NXPE2: variants seen among roughly 807,000 people sequenced by gnomAD.
NXPE2 encodes neurexophilin and PC-esterase domain family member 2, also known as NXPE family member 2.
NXPE2 carries 34 observed loss-of-function variants against 34.4 expected under a neutral mutation model. That is an observed-to-expected ratio of 0.99 (90% confidence interval 0.75 to 1.31). The LOEUF is 1.31. NXPE2 is among the 40% of genes most tolerant of loss of function. The probability of loss-of-function intolerance (pLI) is 0.00; values close to 1 mark genes in which losing one functional copy is unlikely to be tolerated. For missense variants in NXPE2, 649 were observed against 672.5 expected, an observed-to-expected ratio of 0.97 and a Z score of 0.39; for synonymous variants, 235 against 231.3, an observed-to-expected ratio of 1.02 and a Z score of -0.15.
chr11:114,787,440 A>G, the NXPE2 span, among the ~76,000 whole-genome samples: 1 of 152,180 alleles, frequency 6.6e-6, no homozygotes, highest in African/African-American at 2.4e-5. Flanking sequence ...GGCTGAGCTG[A>G]TAATGCCAGC....
At chr11:114,711,272 G>A (rs1039812145), downstream of NXPE2, among the ~76,000 whole-genome samples, 1 of 151,872 alleles carries the variant, frequency 6.6e-6, no homozygotes. Flanking sequence ...AAAAAATTTT[G>A]TTATATATAG....
chr11:114,793,466 A>G, the NXPE2 span, among the ~76,000 whole-genome samples: 4 of 152,076 alleles, frequency 2.6e-5, no homozygotes, highest in East Asian at 7.7e-4. Context: ...TAAGCTATTT[A>G]TTGTTTGGAA....
chr11:114,642,657 C>G, the NXPE2 span, among the ~76,000 whole-genome samples: 2 of 152,036 alleles, frequency 1.3e-5, no homozygotes, highest in African/African-American at 4.8e-5. Context: ...TTTATCCAGT[C>G]TATTATTGAT....
At chr11:114,810,544 T>C in the NXPE2 span, among the ~76,000 whole-genome samples, 1 of 151,946 alleles carries the variant, frequency 6.6e-6, no homozygotes, top group African/African-American at 2.4e-5. Flanking sequence ...AACAGACACT[T>C]CTTAAAAGAA....
chr11:114,537,535 T>C, the NXPE2 span, among the ~76,000 whole-genome samples: 1 of 152,172 alleles, frequency 6.6e-6, no homozygotes, highest in African/African-American at 2.4e-5. Context: ...GAAAACCCCA[T>C]TGTCTCAGCC....
chr11:114,636,621 C>T, the NXPE2 span, among the ~76,000 whole-genome samples: 2 of 152,002 alleles, frequency 1.3e-5, no homozygotes, highest in East Asian at 1.9e-4. Context: ...TTTCCCTCTA[C>T]ACACTGCTTT....
the NXPE2 span, among the ~76,000 whole-genome samples, chr11:114,600,531 A>C: frequency 5.9e-5 from 9 of 152,116 alleles, no homozygotes; most frequent in African/African-American, 1.9e-4. Context: ...AAAATTTTGC[A>C]TAGAAAAAAA....
chr11:114,665,136 A>G, the NXPE2 span, among the ~76,000 whole-genome samples: 1 of 152,178 alleles, frequency 6.6e-6, no homozygotes, highest in East Asian at 1.9e-4. Context: ...TATATAAAGT[A>G]GCCTTGCCAC....
the NXPE2 span, among the ~76,000 whole-genome samples, chr11:114,617,883 C>T: frequency 6.6e-6 from 1 of 152,102 alleles, no homozygotes; most frequent in African/African-American, 2.4e-5. Flanking sequence ...ACCACTCTTA[C>T]CTGGCGGATA....
At chr11:114,770,389 G>A in the NXPE2 span, among the ~76,000 whole-genome samples, 1 of 152,200 alleles carries the variant, frequency 6.6e-6, no homozygotes, top group Admixed American at 6.5e-5. Context: ...CTATGTGTGT[G>A]TGCACACACA....
chr11:114,481,029 G>A, the NXPE2 span, among the ~76,000 whole-genome samples: 1 of 152,114 alleles, frequency 6.6e-6, no homozygotes, highest in Non-Finnish European at 1.5e-5. Context: ...ATTTGTCGAG[G>A]TCCCGTCATT....
At chr11:114,469,403 G>A in the NXPE2 span, among the ~76,000 whole-genome samples, 2 of 151,242 alleles carry the variant, frequency 1.3e-5, no homozygotes, top group Non-Finnish European at 2.9e-5. Context: ...GTGAGCCACC[G>A]CGCCTTGCCA....
At chr11:114,563,248 G>T in the NXPE2 span, among the ~76,000 whole-genome samples, 2 of 152,070 alleles carry the variant, frequency 1.3e-5, no homozygotes, top group Non-Finnish European at 2.9e-5. Flanking sequence ...GCAAATAAGA[G>T]GGTGAGTCAT....
the NXPE2 span, among the ~76,000 whole-genome samples, chr11:114,469,334 C>T: frequency 9.6e-4 from 145 of 151,142 alleles, 2 homozygotes; most frequent in East Asian, 0.023. Flanking sequence ...AGGATGGTCT[C>T]GATCTCTTGA....
At chr11:114,476,470 T>G in the NXPE2 span, among the ~76,000 whole-genome samples, 4 of 151,978 alleles carry the variant, frequency 2.6e-5, no homozygotes, top group Admixed American at 2.7e-4. Context: ...AATAGTTGTA[T>G]TTGTCCATTT....
At chr11:114,691,603 C>T (rs1439351173) in intron 2 of NXPE2, among the ~76,000 whole-genome samples, 1 of 152,192 alleles carries the variant, frequency 6.6e-6, no homozygotes, top group Non-Finnish European at 1.5e-5. Context: ...CCATGCTCCC[C>T]ATGCCCTGAT....
the NXPE2 span, among the ~76,000 whole-genome samples, chr11:114,601,988 A>C: frequency 2.3e-5 from 2 of 86,052 alleles, no homozygotes; most frequent in Non-Finnish European, 4.0e-5. Context: ...TATATATAAT[A>C]TATAATGTAT....
chr11:114,686,290 C>T (rs1188554416), intron 2 of NXPE2, among the ~76,000 whole-genome samples: 1 of 151,908 alleles, frequency 6.6e-6, no homozygotes, highest in East Asian at 1.9e-4. Flanking sequence ...TTTTGGAATC[C>T]CCAGTGTTTA....
intron 2 of NXPE2, among the ~76,000 whole-genome samples, chr11:114,682,093 C>T (rs1178034941): frequency 1.3e-5 from 2 of 152,144 alleles, no homozygotes; most frequent in Non-Finnish European, 1.5e-5. Context: ...ATTTTCCAAA[C>T]AATAAGCCCT....
Sources: allele counts gnomAD v4.1 joint callset (sites outside exome capture counted in the v4.1 genomes callset), GRCh38; gene constraint gnomAD v4.1.1; transcripts MANE v1.5; gene names NCBI Gene and HGNC (gene_info 2026-07-23, HGNC 2026-07-21).